UCK2: variants seen among roughly 807,000 people sequenced by gnomAD.
The protein encoded by UCK2 is cytidine monophosphokinase 2.
Under a neutral mutation model 30.8 loss-of-function variants are expected in UCK2, and 6 were observed. The observed-to-expected ratio is 0.19, with a 90% CI of 0.11 to 0.38. UCK2 has a LOEUF of 0.38. Ranked by LOEUF, UCK2 falls within the 10% of genes least tolerant of loss-of-function variation. The probability of loss-of-function intolerance (pLI) is 1.00; values close to 1 mark genes in which losing one functional copy is unlikely to be tolerated. For missense variants in UCK2, 210 were observed against 339.8 expected (o/e 0.62, Z 3.00); for synonymous variants, 125 against 133.6 (o/e 0.94, Z 0.45).
intron 3 of UCK2, 52 bp from the exon 4 acceptor site, chr1:165,896,138 C>T (rs1304973577): frequency 1.9e-6 from 3 of 1,609,024 alleles, no homozygotes; most frequent in African/African-American, 2.7e-5. Context: ...TGTTCTCTGT[C>T]CCTTGCTAGC....
intron 1 of UCK2, among the ~76,000 whole-genome samples, chr1:165,829,372 A>T (rs937488889): frequency 2.6e-5 from 4 of 152,208 alleles, no homozygotes; most frequent in Non-Finnish European, 5.9e-5. Flanking sequence ...TTTTAGAATT[A>T]TTCTTGCTCT....
chr1:165,854,298 C>T (rs548807728), intron 1 of UCK2, among the ~76,000 whole-genome samples: 5 of 152,128 alleles, frequency 3.3e-5, no homozygotes, highest in African/African-American at 9.7e-5. Context: ...TGCTGCTGGA[C>T]GTATGTGTGG....
chr1:165,858,891 A>C (rs191515504), intron 1 of UCK2, among the ~76,000 whole-genome samples: 1 of 152,268 alleles, frequency 6.6e-6, no homozygotes, highest in Non-Finnish European at 1.5e-5. Context: ...GTCCTGTTTT[A>C]TATATTCATC....
intron 1 of UCK2, among the ~76,000 whole-genome samples, chr1:165,884,726 C>T (rs1300332755): frequency 6.6e-6 from 1 of 152,220 alleles, no homozygotes; most frequent in Non-Finnish European, 1.5e-5. Flanking sequence ...GCTGTCAGAG[C>T]CACCTCCAGG....
At chr1:165,899,044 C>G (rs1019027888) in intron 4 of UCK2, among the ~76,000 whole-genome samples, 2 of 152,120 alleles carry the variant, frequency 1.3e-5, no homozygotes, top group African/African-American at 4.8e-5. Context: ...GGTAGGGAGG[C>G]TGGTTAGTCA....
intron 1 of UCK2, among the ~76,000 whole-genome samples, chr1:165,832,043 A>G (rs1654061995): frequency 6.6e-6 from 1 of 152,166 alleles, no homozygotes; most frequent in Non-Finnish European, 1.5e-5. Flanking sequence ...CGTTGGGATT[A>G]CATGCATGAG....
At chr1:165,838,434 T>C (rs1443682143) in intron 1 of UCK2, among the ~76,000 whole-genome samples, 1 of 152,222 alleles carries the variant, frequency 6.6e-6, no homozygotes, top group African/African-American at 2.4e-5. Flanking sequence ...TCAGTATCGT[T>C]AACCACCTTC....
rs1159481538 is a variant in UCK2, at chr1:165,866,156, A to G, written c.100-24048A>G. The stretch of plus-strand genomic sequence containing the variant: ...AGTATAGGCTGTGCTCTTAGCATAT[A>G]TACCGGGAAGTAAACACCTCTTAGG... On this transcript the variant is annotated intron_variant, in intron 1 of 6. Transcript: ENST00000367879. Among the ~76,000 whole-genome samples, 4 of 152,224 alleles carry G rather than the reference A, an allele frequency of 2.6e-5. No homozygotes were observed. The East Asian group carries it at 7.7e-4, about 29-fold the overall frequency.
intron 5 of UCK2, chr1:165,904,122 G>C (rs1401107955): frequency 6.6e-6 from 1 of 152,244 alleles, no homozygotes; most frequent in Non-Finnish European, 1.5e-5. Flanking sequence ...TCTTGGTTGA[G>C]ATACACTGGG....
At chr1:165,887,355 A>C (rs1655642060) in intron 1 of UCK2, among the ~76,000 whole-genome samples, 1 of 152,148 alleles carries the variant, frequency 6.6e-6, no homozygotes, top group South Asian at 2.1e-4. Flanking sequence ...CACCTACTGT[A>C]TGTTCATTAT....
chr1:165,854,016 C>G (rs989088457), intron 1 of UCK2, among the ~76,000 whole-genome samples: 5 of 152,198 alleles, frequency 3.3e-5, no homozygotes, highest in African/African-American at 1.2e-4. Flanking sequence ...CCAGTTCTTT[C>G]AACTAGATCT....
intron 1 of UCK2, among the ~76,000 whole-genome samples, chr1:165,838,016 G>A (rs1203126432): frequency 2.0e-5 from 3 of 152,224 alleles, no homozygotes; most frequent in Non-Finnish European, 4.4e-5. Context: ...TAAGAGTGTT[G>A]ACGTTGGACT....
intron 1 of UCK2, among the ~76,000 whole-genome samples, chr1:165,843,488 TTGATGACTCAATGCC>T (rs1442702411): frequency 8.5e-5 from 13 of 152,280 alleles, no homozygotes; most frequent in Admixed American, 1.3e-4. Flanking sequence ...TTGGCTGGGA[TTGATGACTCAATGCC>T]TGATGACTCA....
intron 4 of UCK2, among the ~76,000 whole-genome samples, chr1:165,898,468 A>G (rs1647344834): frequency 1.3e-5 from 2 of 152,172 alleles, no homozygotes; most frequent in African/African-American, 4.8e-5. Flanking sequence ...GAATTTTCTG[A>G]CAAGACTGGT....
chr1:165,891,123 G>A (rs907033273), intron 2 of UCK2, 103 bp from the exon 3 acceptor site: 5 of 1,008,450 alleles, frequency 5.0e-6, no homozygotes, highest in African/African-American at 1.6e-5. Flanking sequence ...TACCTTTAAA[G>A]TGTGATGTGC....
At chr1:165,835,236 A>C (rs796374948) in intron 1 of UCK2, among the ~76,000 whole-genome samples, 1 of 152,170 alleles carries the variant, frequency 6.6e-6, no homozygotes, top group Non-Finnish European at 1.5e-5. Flanking sequence ...ATTTTGGACT[A>C]TGGTCTAAAA....
intron 4 of UCK2, chr1:165,897,878 CTT>C (rs1410043849): frequency 2.6e-5 from 4 of 152,304 alleles, no homozygotes; most frequent in Non-Finnish European, 5.9e-5. Context: ...TGGGAGGAGA[CTT>C]TTAGTTCTAG....
intron 4 of UCK2, among the ~76,000 whole-genome samples, chr1:165,898,237 AC>A (rs1647334241): frequency 6.8e-6 from 1 of 146,882 alleles, no homozygotes; most frequent in African/African-American, 2.8e-5. Flanking sequence ...TTTACCACTT[AC>A]TAGATGTGTG....
intron 1 of UCK2, among the ~76,000 whole-genome samples, chr1:165,868,712 G>C (rs1242845287): frequency 6.6e-6 from 1 of 152,156 alleles, no homozygotes; most frequent in Non-Finnish European, 1.5e-5. Flanking sequence ...TGTTATGGCT[G>C]GTTTGATATT....
Sources: gnomAD v4.1 joint callset for allele counts (sites outside exome capture counted in the v4.1 genomes callset) on GRCh38, gnomAD v4.1.1 for gene constraint, MANE v1.5 for transcripts, NCBI Gene and HGNC (gene_info 2026-07-23, HGNC 2026-07-21) for gene names.